The following OSBPL2 variants were observed in gnomAD, a reference collection of about 807,000 sequenced individuals.
OSBPL2 encodes oxysterol-binding protein-related protein 2.
A neutral mutation model predicts 58.4 loss-of-function variants in OSBPL2; 18 were observed. The ratio of observed to expected loss-of-function variants is 0.31; its 90% CI spans 0.21 to 0.46. The LOEUF (loss-of-function observed/expected upper bound fraction) is 0.46, where lower values mean the gene tolerates loss of function less well. OSBPL2 is among the 20% of genes least tolerant of loss of function. OSBPL2 has a pLI of 1.00. For missense variants in OSBPL2, 461 were observed against 616.5 expected, an observed-to-expected ratio of 0.75 and a Z score of 2.67; for synonymous variants, 221 against 234.1, an observed-to-expected ratio of 0.94 and a Z score of 0.51.
intron 6 of OSBPL2, 73 bp downstream of exon 6, chr20:62,273,479 T>A: frequency 8.8e-7 from 1 of 1,135,172 alleles, no homozygotes; most frequent in East Asian, 2.4e-5. Flanking sequence ...TTTGATTCTT[T>A]CACTAGCATT....
At chr20:62,281,374 G>A (rs546594020) in intron 8 of OSBPL2, 21 of 560,994 alleles carry the variant, frequency 3.7e-5, no homozygotes, top group Admixed American at 1.5e-4. Context: ...CTCGTTTTTC[G>A]TCACGGTTGT....
At chr20:62,266,807 T>C (rs762741566) in intron 4 of OSBPL2, among the ~76,000 whole-genome samples, 2 of 152,238 alleles carry the variant, frequency 1.3e-5, no homozygotes, top group Non-Finnish European at 2.9e-5. Context: ...AAAATAACTT[T>C]AGAAAGTCAT....
intron 4 of OSBPL2, chr20:62,271,816 C>CGTAT: frequency 3.2e-6 from 1 of 315,608 alleles, no homozygotes; most frequent in Non-Finnish European, 5.9e-6. Flanking sequence ...GCAGGTGGGC[C>CGTAT]CAAGAGCCCT....
intron 4 of OSBPL2, 82 bp downstream of exon 4, chr20:62,263,773 A>G: frequency 7.6e-7 from 1 of 1,314,766 alleles, no homozygotes; most frequent in Non-Finnish European, 1.1e-6. Context: ...GGTTTAAGAA[A>G]ATGCGCTCTT....
At chr20:62,244,442 T>C (rs957701684) in intron 1 of OSBPL2, among the ~76,000 whole-genome samples, 3 of 152,348 alleles carry the variant, frequency 2.0e-5, no homozygotes, top group South Asian at 4.1e-4. Context: ...CATGGCTTTC[T>C]GAGAGCAGGG....
chr20:62,293,736 T>C (rs1403461439), intron 13 of OSBPL2, 49 bp from the exon 14 acceptor site: 1 of 1,575,070 alleles, frequency 6.3e-7, no homozygotes, highest in Admixed American at 1.8e-5. Context: ...GGGCTGCGTT[T>C]TCCTTTTGGG....
intron 1 of OSBPL2, among the ~76,000 whole-genome samples, chr20:62,245,899 A>G (rs1980071169): frequency 6.6e-6 from 1 of 152,192 alleles, no homozygotes; most frequent in South Asian, 2.1e-4. Flanking sequence ...TTAAGGCTTG[A>G]TTTTTTTCCT....
intron 1 of OSBPL2, among the ~76,000 whole-genome samples, chr20:62,243,424 C>T (rs1261071140): frequency 2.6e-5 from 4 of 152,062 alleles, no homozygotes; most frequent in African/African-American, 4.8e-5. Context: ...GGAGCCCTAG[C>T]GCCTGCCCCG....
chr20:62,272,272 G>T lies in OSBPL2; in HGVS notation c.393+13G>T, dbSNP rs199716007. 7.4e-5 allele frequency: 120 copies of T among 1,611,840 alleles called. No individual in the cohort carries two copies. Among genetic ancestry groups the T allele is most frequent in the Non-Finnish European group, 9.9e-5 (117 of 1,179,450 alleles). On this transcript the variant is annotated intron_variant, in intron 5 of 13. Coordinates refer to ENST00000313733, the MANE Select transcript of OSBPL2 (RefSeq NM_144498.4). ...GGAGAGGATGCAGGTGGGCCTTAGG[G>T]GTGCCAGGCAGGAGTTTGTCATGAA...
intron 12 of OSBPL2, 132 bp downstream of exon 12, chr20:62,289,462 A>G (rs1057097285): frequency 9.3e-7 from 1 of 1,078,890 alleles, no homozygotes; most frequent in Non-Finnish European, 1.3e-6. Flanking sequence ...TCCCTAAACA[A>G]ACAGGCAGGC....
chr20:62,278,915 T>C, intron 6 of OSBPL2: 1 of 499,464 alleles, frequency 2.0e-6, no homozygotes, highest in East Asian at 3.5e-5. Flanking sequence ...GTCATGTTTG[T>C]GTGTGTGTGT....
At chr20:62,283,011 A>C (rs984705683) in intron 9 of OSBPL2, among the ~76,000 whole-genome samples, 1 of 152,248 alleles carries the variant, frequency 6.6e-6, no homozygotes, top group Non-Finnish European at 1.5e-5. Context: ...GGTAGCAGTC[A>C]TCAGTGCCTT....
At chr20:62,292,160 C>CTTTCT (rs1469351607) in intron 13 of OSBPL2, among the ~76,000 whole-genome samples, 4 of 152,230 alleles carry the variant, frequency 2.6e-5, no homozygotes, top group African/African-American at 9.6e-5. Flanking sequence ...TGGCCCAAAG[C>CTTTCT]TTTCTTTTCA....
At chr20:62,272,866 A>C (rs978591753) in intron 5 of OSBPL2, among the ~76,000 whole-genome samples, 45 of 152,240 alleles carry the variant, frequency 3.0e-4, no homozygotes, top group African/African-American at 8.7e-4. Flanking sequence ...ACTGCACTCC[A>C]GCCTGGGTGA....
intron 1 of OSBPL2, among the ~76,000 whole-genome samples, chr20:62,240,327 C>T (rs1979644018): frequency 6.6e-6 from 1 of 152,182 alleles, no homozygotes; most frequent in South Asian, 2.1e-4. Context: ...GTGACTGAGT[C>T]TCCCTCATAG....
Position 62,294,177 on chromosome 20 carries a change from C to T in OSBPL2, c.*290C>T. The T allele has an allele frequency of 2.1e-6, 1 of 474,864 alleles. No individual in the cohort carries two copies. The highest frequency in any genetic ancestry group is 3.7e-6 in the Non-Finnish European group (1 of 269,104). 29.4% of individuals were successfully genotyped at this position (474,864 alleles called of 1,614,324 possible). Reference sequence around the variant, plus strand: ...TTTATGTGGCAGAAATCAGCTGGGGCTTGTTTAGCTTCCAGCACACTCTCA... The same window carrying T: ...TTTATGTGGCAGAAATCAGCTGGGGTTTGTTTAGCTTCCAGCACACTCTCA... On this transcript the variant is annotated 3_prime_UTR_variant, in exon 14 of 14. Transcript: ENST00000313733.
chr20:62,246,734 C>T (rs1159845533), intron 1 of OSBPL2, among the ~76,000 whole-genome samples: 1 of 152,196 alleles, frequency 6.6e-6, no homozygotes, highest in East Asian at 1.9e-4. Context: ...CCCCTCAGTG[C>T]CACACGGAGG....
chr20:62,286,647 T>C lies in OSBPL2; in HGVS notation c.1061T>C (p.Val354Ala), dbSNP rs780868195. The change falls in exon 11 of 14, where the codon GTG (valine) becomes GCG (alanine). Residue 354 changes from valine to alanine, a missense_variant. Transcript: ENST00000313733. ...GACGTGCCTGTGGCCCAGGAGACCG[T>C]GCAGGTCATTCCTGGCAGCAAGCTG... The part of the protein sequence containing the change: ...ADDVPVAQET[V>A]QVIPGSKLLW... 1 of 1,613,762 alleles carries C rather than the reference T, an allele frequency of 6.2e-7. No individual in the cohort carries two copies. The highest frequency in any genetic ancestry group is 1.3e-5 in the African/African-American group (1 of 75,050).
chr20:62,281,543 T>G (rs1162311844), intron 8 of OSBPL2: 3 of 523,942 alleles, frequency 5.7e-6, no homozygotes, highest in Non-Finnish European at 1.0e-5. Context: ...TGAGGTATAA[T>G]CGATGCATCA....
Sources: gnomAD v4.1 joint callset for allele counts (sites outside exome capture counted in the v4.1 genomes callset) on GRCh38, gnomAD v4.1.1 for gene constraint, MANE v1.5 for transcripts, NCBI Gene and HGNC (gene_info 2026-07-23, HGNC 2026-07-21) for gene names.